SHROOM3: variants seen among roughly 807,000 people sequenced by gnomAD.
SHROOM3 encodes the protein protein Shroom3.
Under a neutral mutation model 138.6 loss-of-function variants are expected in SHROOM3, and 47 were observed. The observed-to-expected ratio is 0.34, with a 90% CI of 0.27 to 0.43. The LOEUF is 0.43. Ranked by LOEUF, SHROOM3 falls within the 20% of genes least tolerant of loss-of-function variation. The probability of loss-of-function intolerance (pLI) is 1.00; values close to 1 mark genes in which losing one functional copy is unlikely to be tolerated. For missense variants in SHROOM3, 2,491 were observed against 2,596.5 expected (o/e 0.96, Z 0.88); for synonymous variants, 1,062 against 1,063.3 (o/e 1.00, Z 0.02).
intron 5 of SHROOM3, 112 bp downstream of exon 5, chr4:76,742,038 T>C: frequency 7.3e-7 from 1 of 1,378,528 alleles, no homozygotes; most frequent in Non-Finnish European, 1.0e-6. Flanking sequence ...CAGTTTTCCT[T>C]GTGATTACAG....
At position 76,754,389 on chromosome 4, in the gene SHROOM3, A is replaced by G. The variant is rs773446899; in HGVS notation, c.3906A>G (p.Ser1302=). ...FHHLTPRWGG[S]GCKAIGDSSV... is the part of the protein sequence containing the mutation. Reference sequence around the variant, plus strand: ...ATCTCACCCCTCGTTGGGGTGGTTCAGGCTGCAAAGCCATTGGTGATTCCT... The same window carrying G: ...ATCTCACCCCTCGTTGGGGTGGTTCGGGCTGCAAAGCCATTGGTGATTCCT... The change falls in exon 7 of 11, where the codon TCA becomes TCG. Residue 1302 remains serine (S), a synonymous_variant. Coordinates refer to ENST00000296043, the MANE Select transcript of SHROOM3 (RefSeq NM_020859.4). 5 of 1,614,130 alleles carry G rather than the reference A, an allele frequency of 3.1e-6. No homozygotes were observed. The Admixed American group carries it at 8.3e-5, about 27-fold the overall frequency.
At chr4:76,668,673 A>G (rs368689818) in intron 2 of SHROOM3, among the ~76,000 whole-genome samples, 3 of 152,226 alleles carry the variant, frequency 2.0e-5, no homozygotes, top group East Asian at 3.8e-4. Flanking sequence ...GGGATTGTCA[A>G]TGAGGCAGAT....
chr4:76,740,343 C>G lies in SHROOM3; in HGVS notation c.2170C>G (p.Arg724Gly), dbSNP rs757477019. 6.2e-7 allele frequency: 1 copy of G among 1,613,064 alleles called. No individual in the cohort carries two copies. Among genetic ancestry groups the G allele is most frequent in the African/African-American group, 1.3e-5 (1 of 75,070 alleles). Residue 724 changes from arginine to glycine, a missense_variant, in exon 5 of 11, where the codon CGG becomes GGG. Arg to Gly is a moderately radical substitution (Grantham distance 125, BLOSUM62 -2). Around this residue, in one of 4 missense-constraint regions of SHROOM3, gnomAD observed 1,733 missense variants for 1,661.6 expected, o/e 1.04. Transcript: ENST00000296043. This position sits in a 1 kb window ranked among gnomAD's most constrained non-coding sequence, Gnocchi z 4.0. ...SHLDRQVSYPRPEGRTGASAS... is the reference protein window; with the variant it reads ...SHLDRQVSYPGPEGRTGASAS... The stretch of plus-strand genomic sequence containing the variant: ...TCTGGACCGGCAGGTTTCCTACCCG[C>G]GGCCCGAGGGGAGGACCGGTGCCTC...
chr4:76,733,665 A>C (rs1185930244), intron 4 of SHROOM3, among the ~76,000 whole-genome samples: 1 of 152,104 alleles, frequency 6.6e-6, no homozygotes, highest in East Asian at 1.9e-4. Context: ...GCACAGTGGC[A>C]TCTAGTGGTC....
intron 10 of SHROOM3, among the ~76,000 whole-genome samples, chr4:76,778,222 ATTTT>A (rs71212454): frequency 7.1e-6 from 1 of 139,950 alleles, no homozygotes. Context: ...TACCTTGATG[ATTTT>A]TTTTTTTTTT....
At chr4:76,716,409 A>G (rs1560600204) in intron 3 of SHROOM3, 2 of 518,926 alleles carry the variant, frequency 3.9e-6, no homozygotes, top group Non-Finnish European at 7.7e-6. Context: ...ATTTGCCACA[A>G]GGTAAGTTCA....
chr4:76,771,124 G>A (rs995127197), intron 10 of SHROOM3, among the ~76,000 whole-genome samples: 1 of 152,098 alleles, frequency 6.6e-6, no homozygotes, highest in Admixed American at 6.5e-5. Context: ...CAGCATTTTG[G>A]GAGCCCAAGG....
rs77017959 is a variant in SHROOM3 at position 76,467,809 on chromosome 4, T to G, written c.168+31589T>G. On this transcript the variant is annotated intron_variant, in intron 1 of 10. Coordinates refer to ENST00000296043, the MANE Select transcript of SHROOM3 (RefSeq NM_020859.4). ...GTTGCCTTTGAGACATGTTGAGCCC[T>G]CAGTTGCCTGGGCTTGAGGGAAGTT... 3.5e-4 allele frequency among the ~76,000 whole-genome samples: 53 copies of G among 152,354 alleles called. No individual in the cohort carries two copies. In the East Asian group the frequency reaches 9.8e-3, roughly 28 times the overall value.
intron 1 of SHROOM3, among the ~76,000 whole-genome samples, chr4:76,508,393 AATTCTATTAT>A (rs1476100718): frequency 6.6e-6 from 1 of 152,162 alleles, no homozygotes; most frequent in Non-Finnish European, 1.5e-5. Context: ...CTGAACTCAC[AATTCTATTAT>A]ATTCTATTTA....
intron 1 of SHROOM3, among the ~76,000 whole-genome samples, chr4:76,530,321 G>A (rs528806218): frequency 6.6e-6 from 1 of 152,234 alleles, no homozygotes; most frequent in South Asian, 2.1e-4. Flanking sequence ...GGAACTTCAT[G>A]TTCATTTCTC....
chr4:76,551,603 A>G (rs1733354326), intron 1 of SHROOM3, among the ~76,000 whole-genome samples: 1 of 152,090 alleles, frequency 6.6e-6, no homozygotes, highest in African/African-American at 2.4e-5. Flanking sequence ...AAAGCTCTGG[A>G]GAGGCATGCT....
intron 2 of SHROOM3, among the ~76,000 whole-genome samples, chr4:76,709,173 C>T (rs748902911): frequency 6.6e-6 from 1 of 152,230 alleles, no homozygotes; most frequent in Admixed American, 6.5e-5. Context: ...TTATTCTTAA[C>T]AGCTGTTCAG....
rs550111169 is a variant in SHROOM3, at chr4:76,754,457, A to T, written c.3974A>T (p.Gln1325Leu). The T allele has an allele frequency of 2.3e-5, 37 of 1,614,168 alleles. 1 individual carries two copies. In the South Asian group the frequency reaches 3.5e-4, roughly 15 times the overall value. Residue 1325 changes from glutamine to leucine, a missense_variant, in exon 7 of 11, where the codon CAA becomes CTA. Coordinates refer to ENST00000296043, the MANE Select transcript of SHROOM3 (RefSeq NM_020859.4). ...CCTGGAACCCTGGACCATCAGAGGC[A>T]AGCCAGTAGGACACCCTGCCCCAGG... The part of the protein sequence containing the change: ...ECPGTLDHQR[Q>L]ASRTPCPRPP...
chr4:76,463,377 A>T (rs916722692), intron 1 of SHROOM3, among the ~76,000 whole-genome samples: 1 of 152,228 alleles, frequency 6.6e-6, no homozygotes, highest in Non-Finnish European at 1.5e-5. Flanking sequence ...TGCTTCTAAC[A>T]GCTTAGGCTC....
intron 5 of SHROOM3, chr4:76,742,188 C>A (rs1359080064): frequency 1.8e-6 from 1 of 542,980 alleles, no homozygotes; most frequent in Non-Finnish European, 3.3e-6. Flanking sequence ...TAGGAAGTCA[C>A]CACCTCTCAA....
intron 2 of SHROOM3, among the ~76,000 whole-genome samples, chr4:76,705,933 G>A (rs1258739744): frequency 6.6e-6 from 1 of 152,122 alleles, no homozygotes; most frequent in Admixed American, 6.5e-5. Flanking sequence ...GGGGATTGGG[G>A]ATGCTAACCC....
At chr4:76,745,375 T>TA (rs1314961150) in intron 5 of SHROOM3, among the ~76,000 whole-genome samples, 1 of 152,238 alleles carries the variant, frequency 6.6e-6, no homozygotes, top group African/African-American at 2.4e-5. Flanking sequence ...GATGCTGAGT[T>TA]AGAGACTTCT....
intron 1 of SHROOM3, among the ~76,000 whole-genome samples, chr4:76,496,908 C>T (rs1731979436): frequency 6.6e-6 from 1 of 152,156 alleles, no homozygotes. Context: ...TATAATTAAA[C>T]AAACAAAAAG....
chr4:76,719,158 A>G (rs1720464866), intron 3 of SHROOM3, among the ~76,000 whole-genome samples: 1 of 152,178 alleles, frequency 6.6e-6, no homozygotes, highest in Non-Finnish European at 1.5e-5. Flanking sequence ...CAACATTTCT[A>G]GCCCTCTGCA....
Sources: allele counts gnomAD v4.1 joint callset (sites outside exome capture counted in the v4.1 genomes callset), GRCh38; gene constraint gnomAD v4.1.1; regional missense constraint gnomAD v4.1.1; non-coding constraint Gnocchi (gnomAD v3.1); transcripts MANE v1.5; gene names NCBI Gene and HGNC (gene_info 2026-07-23, HGNC 2026-07-21).